The following TMEM132C variants were observed in gnomAD, a reference collection of about 807,000 sequenced individuals.
TMEM132C encodes the protein transmembrane protein 132C.
TMEM132C carries 29 observed loss-of-function variants against 61.4 expected under a neutral mutation model. That is an observed-to-expected ratio of 0.47 (90% confidence interval 0.35 to 0.64). The LOEUF (loss-of-function observed/expected upper bound fraction) is 0.64. Ranked by LOEUF, TMEM132C falls within the 30% of genes least tolerant of loss-of-function variation. The pLI, the probability that TMEM132C is intolerant of heterozygous loss-of-function variation, is 0.00. For missense variants in TMEM132C, 1,408 were observed against 1,476.9 expected (o/e 0.95, Z 0.76); for synonymous variants, 656 against 633.1 (o/e 1.04, Z -0.54).
At position 128,705,434 on chromosome 12, in the gene TMEM132C, C is replaced by T. The variant is rs751683639; in HGVS notation, c.2466C>T (p.Ser822=). The change falls in exon 9 of 9, where the codon AGC becomes AGT. Residue 822 remains serine, a synonymous_variant. Coordinates refer to ENST00000435159, the MANE Select transcript of TMEM132C (RefSeq NM_001136103.3). ...AAGATGAGATCAAGAACCACGCCAG[C>T]GACCGCCGGCAGAAGGGCCAGCACC... ...YEEDEIKNHA[S]DRRQKGQHHE... 27 of 1,550,754 alleles carry T rather than the reference C, an allele frequency of 1.7e-5. No individual in the cohort carries two copies. Among genetic ancestry groups the T allele is most frequent in the South Asian group, 7.1e-5 (6 of 84,062 alleles).
intron 1 of TMEM132C, among the ~76,000 whole-genome samples, chr12:128,296,429 T>C (rs2135914089): frequency 6.6e-6 from 1 of 152,342 alleles, no homozygotes; most frequent in African/African-American, 2.4e-5. Context: ...GTTGTTCTCA[T>C]GGTCACAGGA....
At chr12:128,573,167 G>T (rs1292032269) in intron 3 of TMEM132C, among the ~76,000 whole-genome samples, 2 of 152,136 alleles carry the variant, frequency 1.3e-5, no homozygotes, top group African/African-American at 2.4e-5. Flanking sequence ...GTTTATTGTG[G>T]CACTACTCAC....
At chr12:128,653,765 T>C (rs965660497) in intron 4 of TMEM132C, among the ~76,000 whole-genome samples, 2 of 152,120 alleles carry the variant, frequency 1.3e-5, no homozygotes, top group Non-Finnish European at 2.9e-5. Context: ...CTCAAAATCA[T>C]GGTGAGGTGC....
chr12:128,591,127 T>C (rs1565983996), intron 3 of TMEM132C, among the ~76,000 whole-genome samples: 1 of 152,230 alleles, frequency 6.6e-6, no homozygotes, highest in South Asian at 2.1e-4. Context: ...AAATGCATAC[T>C]ACACAGTTTG....
chr12:128,375,063 C>G (rs1406083805), intron 1 of TMEM132C, among the ~76,000 whole-genome samples: 8 of 151,878 alleles, frequency 5.3e-5, no homozygotes, highest in Non-Finnish European at 7.4e-5. Context: ...ATCCTGTGTA[C>G]TATGCAATGT....
At chr12:128,576,664 G>A (rs1230340388) in intron 3 of TMEM132C, among the ~76,000 whole-genome samples, 3 of 152,200 alleles carry the variant, frequency 2.0e-5, no homozygotes, top group Non-Finnish European at 4.4e-5. Context: ...AATTATTTCT[G>A]TGTTACACAT....
Position 128,415,740 on chromosome 12 carries a change from C to A in TMEM132C, c.974+120C>A, listed in dbSNP as rs1199249227. On this transcript the variant is annotated intron_variant, in intron 2 of 8. Coordinates refer to ENST00000435159, the MANE Select transcript of TMEM132C (RefSeq NM_001136103.3). This position sits in a 1 kb window ranked among gnomAD's most constrained non-coding sequence, Gnocchi z 5.8. ...TTCACTACCTTCAGGGACCGTTTGG[C>A]ATTAACAGGGGAAGGCAAATTATGC... 3 of 1,231,718 alleles carry A rather than the reference C, an allele frequency of 2.4e-6. No individual in the cohort carries two copies. The highest frequency in any genetic ancestry group is 3.0e-5 in the African/African-American group (2 of 65,674). The allele number at this position is 1,231,718 out of a possible 1,614,324, so 76.3% of individuals were successfully genotyped here. A position where few individuals can be genotyped will look rare whatever the true frequency, so the allele number is the denominator to read the frequency against.
intron 2 of TMEM132C, among the ~76,000 whole-genome samples, chr12:128,479,483 GA>G (rs778075043): frequency 5.0e-4 from 76 of 152,232 alleles, no homozygotes; most frequent in Admixed American, 1.1e-3. Context: ...ACCACTGGGG[GA>G]AAAAAAGTAT....
At chr12:128,672,501 C>A (rs1038765446) in intron 5 of TMEM132C, among the ~76,000 whole-genome samples, 2 of 152,166 alleles carry the variant, frequency 1.3e-5, no homozygotes, top group Non-Finnish European at 2.9e-5. Context: ...CTAATATCTC[C>A]AGGAATTATA....
intron 2 of TMEM132C, among the ~76,000 whole-genome samples, chr12:128,464,348 T>TG (rs1312420549): frequency 6.6e-6 from 1 of 152,118 alleles, no homozygotes; most frequent in East Asian, 1.9e-4. Context: ...ACATCCTAGT[T>TG]GGGGGTGGAT....
intron 5 of TMEM132C, among the ~76,000 whole-genome samples, chr12:128,682,707 C>T (rs1954645681): frequency 6.6e-6 from 1 of 152,210 alleles, no homozygotes; most frequent in Non-Finnish European, 1.5e-5. Context: ...GTGGTGTGCA[C>T]ACACTCTGTC....
At chr12:128,347,696 G>A (rs1395984230) in intron 1 of TMEM132C, among the ~76,000 whole-genome samples, 2 of 152,190 alleles carry the variant, frequency 1.3e-5, no homozygotes, top group African/African-American at 2.4e-5. Context: ...CAAAAGTGCT[G>A]GGATTACAGG....
intron 1 of TMEM132C, among the ~76,000 whole-genome samples, chr12:128,283,556 G>T (rs986963711): frequency 6.6e-6 from 1 of 151,642 alleles, no homozygotes; most frequent in Non-Finnish European, 1.5e-5. Flanking sequence ...CCCTCTGTCT[G>T]TCTCTCTCTA....
chr12:128,351,978 G>T (rs1303236434), intron 1 of TMEM132C, among the ~76,000 whole-genome samples: 1 of 152,194 alleles, frequency 6.6e-6, no homozygotes, highest in Non-Finnish European at 1.5e-5. Context: ...TCAGTGATCT[G>T]TAGGCCCAGG....
chr12:128,674,838 T>C (rs531516450), intron 5 of TMEM132C, among the ~76,000 whole-genome samples: 3 of 151,066 alleles, frequency 2.0e-5, no homozygotes, highest in South Asian at 2.1e-4. Context: ...GCCCCCAAAA[T>C]TCCCCCCAAG....
intron 1 of TMEM132C, among the ~76,000 whole-genome samples, chr12:128,314,877 G>A (rs1447854241): frequency 4.6e-4 from 70 of 152,156 alleles, no homozygotes; most frequent in Non-Finnish European, 1.0e-4. Flanking sequence ...CCTTTGTTAG[G>A]CAGCTACAGG....
At chr12:128,634,836 G>A (rs1000048925) in intron 4 of TMEM132C, among the ~76,000 whole-genome samples, 2 of 152,182 alleles carry the variant, frequency 1.3e-5, no homozygotes, top group Non-Finnish European at 2.9e-5. Context: ...CTGTGCCAGA[G>A]CCTGAAGTTA....
rs1352703178 is a variant in TMEM132C at position 128,528,431 on chromosome 12, T to C, written c.975-15526T>C. 3.3e-5 allele frequency among the ~76,000 whole-genome samples: 5 copies of C among 152,328 alleles called. No individual in the cohort carries two copies. In the South Asian group the frequency reaches 6.2e-4, roughly 19 times the overall value. ...TTCATGTAGGCTCACAGCGTCATAA[T>C]CTCAGAGCAGCAGATGCGTGGACAG... On this transcript the variant is annotated intron_variant, in intron 2 of 8. Coordinates refer to ENST00000435159, the MANE Select transcript of TMEM132C (RefSeq NM_001136103.3).
At chr12:128,330,160 G>C (rs1872633984) in intron 1 of TMEM132C, among the ~76,000 whole-genome samples, 1 of 152,112 alleles carries the variant, frequency 6.6e-6, no homozygotes, top group South Asian at 2.1e-4. Context: ...CAAGTATACA[G>C]GCACAATGCC....
Sources: gnomAD v4.1 joint callset for allele counts (sites outside exome capture counted in the v4.1 genomes callset) on GRCh38, gnomAD v4.1.1 for gene constraint, Gnocchi (gnomAD v3.1) non-coding constraint, MANE v1.5 for transcripts, NCBI Gene and HGNC (gene_info 2026-07-23, HGNC 2026-07-21) for gene names.